The following L3MBTL2 variants were observed in gnomAD, a reference collection of about 807,000 sequenced individuals.
The protein encoded by L3MBTL2 is lethal(3)malignant brain tumor-like protein 2.
In L3MBTL2, 49 loss-of-function variants were observed where a neutral mutation model predicts 86.4. The observed-to-expected ratio is 0.57, with a 90% CI of 0.45 to 0.72. L3MBTL2 has a LOEUF of 0.72. Among genes scored for constraint, L3MBTL2 ranks in the 30% least tolerant of loss-of-function variants. L3MBTL2 has a pLI of 0.00. For synonymous variants in L3MBTL2, 336 were observed against 350.6 expected (o/e 0.96, Z 0.47); for missense variants, 755 against 923.7 (o/e 0.82, Z 2.37).
intron 3 of L3MBTL2, among the ~76,000 whole-genome samples, chr22:41,215,456 T>C (rs139461): frequency 0.74 from 113,031 of 152,194 alleles, 42,929 homozygotes; most frequent in African/African-American, 0.91. Context: ...GGATTTGCCC[T>C]GTAGGTTTGT....
chr22:41,224,875 C>A lies in L3MBTL2; in HGVS notation c.1251+74C>A. The A allele has an allele frequency of 6.4e-7, 1 of 1,560,974 alleles. No homozygotes were observed. The highest frequency in any genetic ancestry group is 8.8e-7 in the Non-Finnish European group (1 of 1,132,532). On this transcript the variant is annotated intron_variant, in intron 10 of 16. Transcript: ENST00000216237. The surrounding 1 kb of genome is among the most constrained non-coding windows in gnomAD (Gnocchi z 4.9). The stretch of plus-strand genomic sequence containing the variant: ...CGGGCCTGAGGGACCTGGCTCTTCC[C>A]CTGGGACCATCCCTTTCCCTCCTGA...
In L3MBTL2 at chr22:41,225,745, G is replaced by A. The variant is rs772041797; in HGVS notation, c.1357-49G>A. 70 of 1,572,756 alleles carry A rather than the reference G, an allele frequency of 4.5e-5. No homozygotes were observed. The highest frequency in any genetic ancestry group is 5.8e-5 in the Non-Finnish European group (67 of 1,151,376). On this transcript the variant is annotated intron_variant, in intron 11 of 16. Transcript: ENST00000216237. This position sits in a 1 kb window ranked among gnomAD's most constrained non-coding sequence, Gnocchi z 4.1. ...TGGGGTGCGGTACCAACCCAGGATGGGGTGCAGTTCATGATATGATCTGTC... is the reference window on the plus strand; with the variant it reads ...TGGGGTGCGGTACCAACCCAGGATGAGGTGCAGTTCATGATATGATCTGTC...
chr22:41,228,501 C>T lies in L3MBTL2; in HGVS notation c.1888+632C>T, dbSNP rs2032348523. On this transcript the variant is annotated intron_variant, in intron 15 of 16. Coordinates refer to ENST00000216237, the MANE Select transcript of L3MBTL2 (RefSeq NM_031488.5). ...CGAGGTGGGCTCCACAGTGTGGTACCATGTGGGGAAGAGGATGTTCTGAAA... is the reference window on the plus strand; with the variant it reads ...CGAGGTGGGCTCCACAGTGTGGTACTATGTGGGGAAGAGGATGTTCTGAAA... 6.1e-6 allele frequency: 6 copies of T among 985,410 alleles called. 1 individual carries two copies. The South Asian group carries it at 2.3e-4, about 39-fold the overall frequency. 61.0% of individuals were successfully genotyped at this position (985,410 alleles called of 1,614,324 possible). A position where few individuals can be genotyped will look rare whatever the true frequency, so the allele number is the denominator to read the frequency against.
At chr22:41,207,711 T>A (rs2030351103) in intron 1 of L3MBTL2, among the ~76,000 whole-genome samples, 1 of 151,982 alleles carries the variant, frequency 6.6e-6, no homozygotes, top group South Asian at 2.1e-4. Context: ...CTTCCCTCTG[T>A]CATCCAGGCT....
rs1294590643 is a variant in L3MBTL2, at chr22:41,227,590, C to T, written c.1823-214C>T. On this transcript the variant is annotated intron_variant, in intron 14 of 16. Coordinates refer to ENST00000216237, the MANE Select transcript of L3MBTL2 (RefSeq NM_031488.5). The surrounding 1 kb of genome is among the most constrained non-coding windows in gnomAD (Gnocchi z 6.0). ...GTGCACCCAGGTAAACTACCCAGGT[C>T]CCTCTGAGCAGCCCTGGTAACAAGG... 1.3e-6 allele frequency: 2 copies of T among 1,548,050 alleles called. No homozygotes were observed. The highest frequency in any genetic ancestry group is 4.9e-5 in the East Asian group (2 of 40,776).
At chr22:41,229,832 G>A (rs2032461099) in intron 16 of L3MBTL2, 176 bp downstream of exon 16, 2 of 1,087,240 alleles carry the variant, frequency 1.8e-6, no homozygotes, top group Non-Finnish European at 2.8e-6. Context: ...GCCCCCAACT[G>A]TGAATGGAGC....
intron 2 of L3MBTL2, 161 bp downstream of exon 2, chr22:41,210,094 A>G: frequency 1.2e-6 from 1 of 826,876 alleles, no homozygotes; most frequent in Non-Finnish European, 1.8e-6. Context: ...GGGAGACAGA[A>G]GCACCCCAAG....
intron 2 of L3MBTL2, 87 bp from the exon 3 acceptor site, chr22:41,213,806 C>T: frequency 6.9e-7 from 1 of 1,450,172 alleles, no homozygotes; most frequent in Non-Finnish European, 9.6e-7. Flanking sequence ...CTGGTTAATG[C>T]AGTGCCCCAG....
intron 2 of L3MBTL2, 65 bp downstream of exon 2, chr22:41,209,998 G>A: frequency 6.3e-7 from 1 of 1,578,488 alleles, no homozygotes; most frequent in Non-Finnish European, 8.6e-7. Context: ...GAGGGGGGTG[G>A]ATATAGGCTA....
rs184006953 is a variant in L3MBTL2 at position 41,207,675 on chromosome 22, A to T, written c.25-2021A>T. Among the ~76,000 whole-genome samples, 11 of 149,434 alleles carry T rather than the reference A, an allele frequency of 7.4e-5. No individual in the cohort carries two copies. In the East Asian group the frequency reaches 2.0e-3, roughly 27 times the overall value. On this transcript the variant is annotated intron_variant, in intron 1 of 16. Coordinates refer to ENST00000216237, the MANE Select transcript of L3MBTL2 (RefSeq NM_031488.5). ...GGCCAAACTTTTCTCCTTTCTTCAC[A>T]CCTTTTTTTTCCTTTGAGACAGTGT...
intron 12 of L3MBTL2, 58 bp from the exon 13 acceptor site, chr22:41,226,604 T>A: frequency 8.1e-7 from 1 of 1,234,020 alleles, no homozygotes; most frequent in Non-Finnish European, 1.2e-6. Context: ...TGTCCTTTCC[T>A]CCTGCCCACT....
intron 2 of L3MBTL2, among the ~76,000 whole-genome samples, chr22:41,211,556 C>CTTTTTTTTTT (rs1569137607): frequency 7.7e-5 from 5 of 64,730 alleles, no homozygotes; most frequent in African/African-American, 5.0e-4. Context: ...AATCTTATTT[C>CTTTTTTTTTT]CTTTTTTTTT....
At chr22:41,218,559 T>G (rs1601515671) in intron 5 of L3MBTL2, 1 of 151,964 alleles carries the variant, frequency 6.6e-6, no homozygotes, top group South Asian at 2.1e-4. Context: ...GGCAGGAAAG[T>G]GAGGATTAGG....
chr22:41,211,662 T>C (rs1271551958), intron 2 of L3MBTL2, among the ~76,000 whole-genome samples: 1 of 146,218 alleles, frequency 6.8e-6, no homozygotes, highest in Non-Finnish European at 1.5e-5. Context: ...GTTCAAGCCA[T>C]TCTCCTGCCT....
At chr22:41,228,221 G>A in intron 15 of L3MBTL2, 3 of 985,498 alleles carry the variant, frequency 3.0e-6, no homozygotes, top group African/African-American at 3.5e-5. Context: ...AGGTTCTAAA[G>A]GAAAAGCCAC....
At position 41,227,339 on chromosome 22, in the gene L3MBTL2, G is replaced by A. The variant is rs2032257214; in HGVS notation, c.1822+16G>A. ...GTGGCCGCAGGTGTGGGCTCTCGTG[G>A]CCCTAAGAGGCTCTGACTTTCTTTC... On this transcript the variant is annotated intron_variant, in intron 14 of 16. Coordinates refer to ENST00000216237, the MANE Select transcript of L3MBTL2 (RefSeq NM_031488.5). This position sits in a 1 kb window ranked among gnomAD's most constrained non-coding sequence, Gnocchi z 6.0. The A allele has an allele frequency of 3.2e-6, 5 of 1,568,122 alleles. No homozygotes were observed. Among genetic ancestry groups the A allele is most frequent in the Non-Finnish European group, 3.5e-6 (4 of 1,154,514 alleles).
At chr22:41,213,332 C>T (rs1183613792) in intron 2 of L3MBTL2, among the ~76,000 whole-genome samples, 3 of 151,846 alleles carry the variant, frequency 2.0e-5, no homozygotes, top group African/African-American at 7.3e-5. Context: ...TAAATTTTTT[C>T]GCTTTTTTTT....
intron 15 of L3MBTL2, chr22:41,228,334 ACT>A: frequency 1.0e-6 from 1 of 985,238 alleles, no homozygotes; most frequent in Non-Finnish European, 1.2e-6. Context: ...GAGTGGCAGG[ACT>A]CCACCTGGCT....
intron 1 of L3MBTL2, 92 bp downstream of exon 1, chr22:41,205,478 AG>A: frequency 7.2e-7 from 1 of 1,395,150 alleles, no homozygotes; most frequent in African/African-American, 1.4e-5. Context: ...CGACGCCTGG[AG>A]GGTGGAGGGT....
Sources: allele counts gnomAD v4.1 joint callset (sites outside exome capture counted in the v4.1 genomes callset), GRCh38; gene constraint gnomAD v4.1.1; non-coding constraint Gnocchi (gnomAD v3.1); transcripts MANE v1.5; gene names NCBI Gene and HGNC (gene_info 2026-07-23, HGNC 2026-07-21).